FAM174C: variants seen among roughly 807,000 people sequenced by gnomAD.
FAM174C encodes protein FAM174C.
In FAM174C, 19 loss-of-function variants were observed where a neutral mutation model predicts 12.3. That is an observed-to-expected ratio of 1.55 (90% CI 1.08 to 2.27). FAM174C has a LOEUF of 2.27. FAM174C is among the 30% of genes most tolerant of loss of function. FAM174C has a pLI of 0.00. For synonymous variants in FAM174C, 147 were observed against 103.5 expected (o/e 1.42, Z -2.55); for missense variants, 239 against 190.2 (o/e 1.26, Z -1.51).
At chr19:1,278,724 G>A (rs954994615) in intron 2 of FAM174C, 53 bp from the exon 3 acceptor site, 11 of 1,606,304 alleles carry the variant, frequency 6.8e-6, no homozygotes, top group African/African-American at 1.3e-5. Context: ...GCCTCTGCCC[G>A]GCAGGGCGGG....
intron 1 of FAM174C, 39 bp downstream of exon 1, chr19:1,275,869 G>A (rs764600329): frequency 1.0e-4 from 155 of 1,521,184 alleles, no homozygotes; most frequent in Non-Finnish European, 1.3e-4. Flanking sequence ...CTCAGCCTTG[G>A]CCAATTAGCG....
chr19:1,278,757 C>A lies in FAM174C; in HGVS notation c.*-20C>A, dbSNP rs753515302. 5.6e-6 allele frequency: 9 copies of A among 1,611,818 alleles called. No homozygotes were observed. Among genetic ancestry groups the A allele is most frequent in the Non-Finnish European group, 7.6e-6 (9 of 1,179,764 alleles). ...GGGCCCTTCACTCCTTCCCTCTCACCCTTGACCCCCTGCTTTCAGATGCTG... is the reference window on the plus strand; with the variant it reads ...GGGCCCTTCACTCCTTCCCTCTCACACTTGACCCCCTGCTTTCAGATGCTG... On this transcript the variant is annotated intron_variant, in intron 2 of 2. Coordinates refer to ENST00000409293, the MANE Select transcript of FAM174C (RefSeq NM_017914.4).
At chr19:1,276,027 T>C (rs2081412848) in intron 1 of FAM174C, 197 bp downstream of exon 1, 11 of 563,884 alleles carry the variant, frequency 2.0e-5, no homozygotes, top group South Asian at 1.9e-4. Context: ...ACTCACCCGC[T>C]CTCCAGCCTG....
intron 1 of FAM174C, chr19:1,276,079 G>C (rs2081413187): frequency 1.2e-5 from 6 of 514,248 alleles, no homozygotes; most frequent in African/African-American, 2.1e-5. Flanking sequence ...CTCTTAACTC[G>C]GGGGTGACGC....
Position 1,279,011 on chromosome 19 carries a change from G to A in FAM174C, c.*234G>A. 1 of 1,611,710 alleles carries A rather than the reference G, an allele frequency of 6.2e-7. No individual in the cohort carries two copies. The highest frequency in any genetic ancestry group is 8.5e-7 in the Non-Finnish European group (1 of 1,179,964). ...GCCTCGCCTCCTGGATGCTGTCCCA[G>A]CCTGGCCGAGGGTCCCAGGTGAAGA... On this transcript the variant is annotated 3_prime_UTR_variant, in exon 3 of 3. Transcript: ENST00000409293.
intron 1 of FAM174C, chr19:1,276,170 T>G: frequency 3.2e-6 from 1 of 314,252 alleles, no homozygotes; most frequent in East Asian, 6.7e-5. Flanking sequence ...GGGGCCTCCT[T>G]GGCTCCTTGT....
At chr19:1,278,720 G>T (rs775727027) in intron 2 of FAM174C, 57 bp from the exon 3 acceptor site, 99 of 1,604,702 alleles carry the variant, frequency 6.2e-5, no homozygotes, top group Non-Finnish European at 8.2e-5. Context: ...GTGAGCCTCT[G>T]CCCGGCAGGG....
In FAM174C at chr19:1,275,553, G is replaced by C. The variant is rs2081407394; in HGVS notation, c.4G>C (p.Gly2Arg). Residue 2 changes from glycine (G) to arginine (R), a missense_variant, in exon 1 of 3, where the codon GGG (glycine) becomes CGG (arginine). Gly to Arg is a moderately radical substitution (Grantham distance 125). Coordinates refer to ENST00000409293, the MANE Select transcript of FAM174C (RefSeq NM_017914.4). ...CCGCCACCGCTTCCGCCGGGCCATG[G>C]GGCCGCGCGTGCTGCAGCCGCCGCT... is the stretch of plus-strand genomic sequence containing the variant. M[G>R]PRVLQPPLLL... The C allele has an allele frequency of 1.6e-6, 2 of 1,214,344 alleles. No individual in the cohort carries two copies. Among genetic ancestry groups the C allele is most frequent in the African/African-American group, 3.2e-5 (2 of 63,362 alleles). The allele number at this position is 1,214,344 out of a possible 1,614,324, so 75.2% of individuals were successfully genotyped here.
Position 1,275,530 on chromosome 19 carries a change from G to T in FAM174C, c.-20G>T. ...ACAGCGCGCATAGGGGCGGGGCGCC[G>T]CCACCGCTTCCGCCGGGCCATGGGG... is the stretch of plus-strand genomic sequence containing the variant. On this transcript the variant is annotated 5_prime_UTR_variant, in exon 1 of 3. Coordinates refer to ENST00000409293, the MANE Select transcript of FAM174C (RefSeq NM_017914.4). The T allele has an allele frequency of 8.4e-7, 1 of 1,194,612 alleles. No homozygotes were observed. The highest frequency in any genetic ancestry group is 1.0e-6 in the Non-Finnish European group (1 of 966,858). 74.0% of individuals were successfully genotyped at this position (1,194,612 alleles called of 1,614,324 possible). A position where few individuals can be genotyped will look rare whatever the true frequency, so the allele number is the denominator to read the frequency against.
chr19:1,277,504 C>A (rs551354239), intron 2 of FAM174C, among the ~76,000 whole-genome samples: 1 of 152,186 alleles, frequency 6.6e-6, no homozygotes, highest in African/African-American at 2.4e-5. Context: ...AAATGTTTGT[C>A]ATTTATTTAT....
chr19:1,277,487 T>A (rs532791782), intron 2 of FAM174C, among the ~76,000 whole-genome samples, 188 bp downstream of exon 2: 11 of 152,216 alleles, frequency 7.2e-5, no homozygotes, highest in East Asian at 1.9e-4. Flanking sequence ...TTTTTTTTTT[T>A]AAACTTAAAT....
chr19:1,278,657 G>A, intron 2 of FAM174C, 120 bp from the exon 3 acceptor site: 2 of 1,519,562 alleles, frequency 1.3e-6, no homozygotes, highest in Non-Finnish European at 1.8e-6. Context: ...GGGGAGGCTG[G>A]GCCCTGGTAG....
chr19:1,277,087 G>A (rs984956917), intron 1 of FAM174C, 96 bp from the exon 2 acceptor site: 5 of 1,449,272 alleles, frequency 3.5e-6, no homozygotes, highest in Admixed American at 2.4e-5. Context: ...AGCAGGGCTC[G>A]GGGCTCCAGT....
chr19:1,275,857 C>T (rs1163378317), intron 1 of FAM174C, 27 bp downstream of exon 1: 5 of 1,530,656 alleles, frequency 3.3e-6, no homozygotes, highest in Non-Finnish European at 4.4e-6. Context: ...TGGGCGCCGT[C>T]TCTCAGCCTT....
At chr19:1,277,117 C>T in intron 1 of FAM174C, 66 bp from the exon 2 acceptor site, 2 of 1,502,058 alleles carry the variant, frequency 1.3e-6, no homozygotes, top group Non-Finnish European at 1.8e-6. Context: ...CAATGAGAGT[C>T]CTGAGGGAAG....
intron 2 of FAM174C, 97 bp from the exon 3 acceptor site, chr19:1,278,680 G>A: frequency 6.4e-7 from 1 of 1,566,406 alleles, no homozygotes; most frequent in South Asian, 1.2e-5. Flanking sequence ...CGAGGGGCCT[G>A]GACAGGCTGC....
In FAM174C at chr19:1,277,178, T is replaced by C; in HGVS notation, c.282-5T>C. 2 of 1,536,344 alleles carry C rather than the reference T, an allele frequency of 1.3e-6. No individual in the cohort carries two copies. The highest frequency in any genetic ancestry group is 1.8e-6 in the Non-Finnish European group (2 of 1,134,992). ...GCCACTGACTATGCCTGGACCTACT[T>C]CCAGGTTGAAGAAGCCTCAGCGGAG... On this transcript the variant is annotated splice_polypyrimidine_tract_variant and splice_region_variant and intron_variant, in intron 1 of 2. Coordinates refer to ENST00000409293, the MANE Select transcript of FAM174C (RefSeq NM_017914.4).
At chr19:1,276,449 C>T (rs989531870) in intron 1 of FAM174C, 1 of 153,464 alleles carries the variant, frequency 6.5e-6, no homozygotes, top group African/African-American at 2.4e-5. Context: ...CTCCAGTCTC[C>T]TCTGGGCTCC....
intron 2 of FAM174C, among the ~76,000 whole-genome samples, chr19:1,278,467 C>T (rs2081425245): frequency 6.6e-6 from 1 of 152,092 alleles, no homozygotes; most frequent in Non-Finnish European, 1.5e-5. Flanking sequence ...GACTGGGCGG[C>T]CTCTGGGGAC....
Sources: gnomAD v4.1 joint callset for allele counts (sites outside exome capture counted in the v4.1 genomes callset) on GRCh38, gnomAD v4.1.1 for gene constraint, MANE v1.5 for transcripts, NCBI Gene and HGNC (gene_info 2026-07-23, HGNC 2026-07-21) for gene names.